PCDH15: variants seen among roughly 807,000 people sequenced by gnomAD.
The protein encoded by PCDH15 is protocadherin-15.
A neutral mutation model predicts 178.5 loss-of-function variants in PCDH15; 129 were observed. The observed-to-expected ratio is 0.72, with a 90% CI of 0.63 to 0.84. PCDH15 has a LOEUF of 0.84. Among genes scored for constraint, PCDH15 ranks in the 40% least tolerant of loss-of-function variants. The probability of loss-of-function intolerance (pLI) is 0.00; values close to 1 mark genes in which losing one functional copy is unlikely to be tolerated. For synonymous variants in PCDH15, 800 were observed against 732.0 expected, an observed-to-expected ratio of 1.09 and a Z score of -1.50; for missense variants, 2,230 against 2,099.9, an observed-to-expected ratio of 1.06 and a Z score of -1.21.
intron 32 of PCDH15, among the ~76,000 whole-genome samples, chr10:53,824,485 A>G (rs2076538921): frequency 6.6e-6 from 1 of 152,180 alleles, no homozygotes; most frequent in Non-Finnish European, 1.5e-5. Flanking sequence ...AGGCAACAAA[A>G]TAATAAAGCC....
intron 3 of PCDH15, among the ~76,000 whole-genome samples, chr10:54,471,292 T>C (rs1369544783): frequency 6.6e-6 from 1 of 152,108 alleles, no homozygotes; most frequent in Non-Finnish European, 1.5e-5. Context: ...TCTTGCTGTC[T>C]CAGTGGTGGT....
chr10:55,538,276 C>A (rs1841630129), intron 2 of PCDH15, among the ~76,000 whole-genome samples: 1 of 152,192 alleles, frequency 6.6e-6, no homozygotes, highest in South Asian at 2.1e-4. Context: ...AATAAATATT[C>A]ACTATACATT....
At chr10:54,033,822 G>A (rs2093356043) in intron 18 of PCDH15, among the ~76,000 whole-genome samples, 1 of 151,754 alleles carries the variant, frequency 6.6e-6, no homozygotes, top group African/African-American at 2.4e-5. Flanking sequence ...TTGCTTATCA[G>A]GTGTTTTTAT....
intron 2 of PCDH15, among the ~76,000 whole-genome samples, chr10:55,414,801 GTGT>G (rs1565115079): frequency 7.0e-6 from 1 of 143,708 alleles, no homozygotes; most frequent in Non-Finnish European, 1.5e-5. Context: ...GTGTGTGTGT[GTGT>G]CTGTGTGTGT....
intron 2 of PCDH15, among the ~76,000 whole-genome samples, chr10:55,067,745 A>G (rs938808427): frequency 1.3e-5 from 2 of 151,512 alleles, no homozygotes; most frequent in Non-Finnish European, 1.5e-5. Flanking sequence ...CAACTCTGCC[A>G]GCATCTGTTA....
chr10:54,721,963 C>T (rs1425197396), intron 1 of PCDH15, among the ~76,000 whole-genome samples: 7 of 151,802 alleles, frequency 4.6e-5, no homozygotes, highest in African/African-American at 7.2e-5. Flanking sequence ...ATGCAAAAAT[C>T]TTCAACAAAA....
chr10:53,876,046 A>G (rs778798325), intron 26 of PCDH15, among the ~76,000 whole-genome samples: 10 of 152,298 alleles, frequency 6.6e-5, no homozygotes, highest in South Asian at 6.2e-4. Context: ...AAATAGAGTG[A>G]AAGTGTTTTA....
chr10:54,159,485 T>A (rs2045498055), intron 13 of PCDH15, among the ~76,000 whole-genome samples: 1 of 152,150 alleles, frequency 6.6e-6, no homozygotes, highest in African/African-American at 2.4e-5. Context: ...TGAAACCAAA[T>A]TCACCACTTT....
At chr10:55,092,812 AT>A (rs1842348704) in intron 2 of PCDH15, among the ~76,000 whole-genome samples, 1 of 152,012 alleles carries the variant, frequency 6.6e-6, no homozygotes, top group South Asian at 2.1e-4. Flanking sequence ...AATTAACAAA[AT>A]ACATAATCTA....
intron 13 of PCDH15, among the ~76,000 whole-genome samples, chr10:54,160,246 C>T (rs2045573764): frequency 6.6e-6 from 1 of 152,020 alleles, no homozygotes; most frequent in Non-Finnish European, 1.5e-5. Flanking sequence ...GAAAATGGCA[C>T]AAAATTTAAA....
chr10:53,825,338 A>G (rs953214789), intron 32 of PCDH15, among the ~76,000 whole-genome samples: 8 of 152,044 alleles, frequency 5.3e-5, no homozygotes, highest in Admixed American at 5.2e-4. Flanking sequence ...AGATGAAATC[A>G]AATGACATTA....
intron 10 of PCDH15, 55 bp downstream of exon 10, chr10:54,213,881 T>A: frequency 8.7e-7 from 1 of 1,148,620 alleles, no homozygotes; most frequent in Non-Finnish European, 1.3e-6. Flanking sequence ...CGTCTACAGA[T>A]TTATCTGATT....
rs5785122 is a variant in PCDH15 at position 55,192,985 on chromosome 10, C to CTT, written c.-155-26336_-155-26335dup. Among the ~76,000 whole-genome samples, 454 of 132,446 alleles carry CTT rather than the reference C, an allele frequency of 3.4e-3. 3 individuals carry two copies. Among genetic ancestry groups the CTT allele is most frequent in the African/African-American group, 5.9e-3 (210 of 35,794 alleles). 86.9% of individuals were successfully genotyped at this position (132,446 alleles called of 152,430 possible). A position where few individuals can be genotyped will look rare whatever the true frequency, so the allele number is the denominator to read the frequency against. ...TTCCTTTCCTATCCTTTCAAAATGG[C>CTT]TTTTTTTTTTTTTTTTGATAATTGC... On this transcript the variant is annotated intron_variant, in intron 1 of 5. Coordinates refer to the PCDH15 transcript ENST00000458638.
rs986783438 is a variant in PCDH15 at position 55,111,565 on chromosome 10, C to T, written c.-80+55011G>A. On this transcript the variant is annotated intron_variant, in intron 2 of 5. Coordinates refer to the PCDH15 transcript ENST00000458638. ...AAAAATTTAAAAAAGTTCTTTTTGA[C>T]GGGTGCAGTGGCTCACGCCTGTAAT... Among the ~76,000 whole-genome samples, 7 of 152,108 alleles carry T rather than the reference C, an allele frequency of 4.6e-5. No individual in the cohort carries two copies. The East Asian group carries it at 5.8e-4, about 13-fold the overall frequency.
chr10:53,914,306 C>A (rs2083371196), intron 25 of PCDH15, among the ~76,000 whole-genome samples: 1 of 152,186 alleles, frequency 6.6e-6, no homozygotes, highest in South Asian at 2.1e-4. Flanking sequence ...TATAAAGACA[C>A]ATGCACACGT....
intron 1 of PCDH15, among the ~76,000 whole-genome samples, chr10:55,189,041 G>A (rs925634589): frequency 1.3e-5 from 2 of 151,824 alleles, no homozygotes; most frequent in Non-Finnish European, 2.9e-5. Flanking sequence ...CTTTGTAGTA[G>A]TAAACTGATC....
chr10:54,497,923 G>C (rs1156694824), intron 3 of PCDH15, among the ~76,000 whole-genome samples: 1 of 151,906 alleles, frequency 6.6e-6, no homozygotes, highest in Non-Finnish European at 1.5e-5. Flanking sequence ...CTTGCTAGAG[G>C]GGGTGACATG....
rs114949706 is a variant in PCDH15, at chr10:55,533,790, T to C, written c.-156+93835A>G. 4.7e-3 allele frequency among the ~76,000 whole-genome samples: 720 copies of C among 151,610 alleles called. 6 individuals carry two copies. Among genetic ancestry groups the C allele is most frequent in the African/African-American group, 0.017 (686 of 41,406 alleles). ...AATAGTCAAAGCAATTCTAAGCAAATAGAACAAAGCTGGAGGCACCACACT... is the reference window on the plus strand; with the variant it reads ...AATAGTCAAAGCAATTCTAAGCAAACAGAACAAAGCTGGAGGCACCACACT... On this transcript the variant is annotated intron_variant, in intron 2 of 5. Transcript: ENST00000613346.
At chr10:54,988,874 G>A (rs1245046448) in intron 2 of PCDH15, among the ~76,000 whole-genome samples, 1 of 152,178 alleles carries the variant, frequency 6.6e-6, no homozygotes, top group Non-Finnish European at 1.5e-5. Flanking sequence ...CCAGGATCAT[G>A]GGGAAAATGT....
Sources: gnomAD v4.1 joint callset for allele counts (sites outside exome capture counted in the v4.1 genomes callset) on GRCh38, gnomAD v4.1.1 for gene constraint, MANE v1.5 for transcripts, NCBI Gene and HGNC (gene_info 2026-07-23, HGNC 2026-07-21) for gene names.